Variants in MEIOC observed in about 807,000 individuals in gnomAD.
MEIOC encodes meiosis specific with coiled-coil domain, also known as meiosis-specific coiled-coil domain-containing protein MEIOC.
In MEIOC, 9 loss-of-function variants were observed where a neutral mutation model predicts 85.3. The observed-to-expected ratio is 0.11, with a 90% CI of 0.06 to 0.18. The LOEUF (loss-of-function observed/expected upper bound fraction) is 0.18, where lower values mean the gene tolerates loss of function less well. MEIOC is among the 10% of genes least tolerant of loss of function. The pLI is 1.00. For missense variants in MEIOC, 898 were observed against 1,129.4 expected, an observed-to-expected ratio of 0.80 and a Z score of 2.94; for synonymous variants, 365 against 393.7, an observed-to-expected ratio of 0.93 and a Z score of 0.86.
chr17:44,661,706 C>G (rs975303880), intron 2 of MEIOC, among the ~76,000 whole-genome samples: 1 of 151,994 alleles, frequency 6.6e-6, no homozygotes, highest in East Asian at 1.9e-4. Flanking sequence ...CGCCCATCAC[C>G]ACCACAGCTG....
downstream of MEIOC, chr17:44,676,942 T>C: frequency 3.0e-5 from 30 of 984,970 alleles, no homozygotes; most frequent in Non-Finnish European, 3.1e-5. Context: ...CTCTATTTTC[T>C]GTTTAAGCAT....
At position 44,667,817 on chromosome 17, in the gene MEIOC, G is replaced by C. The variant is rs973474536; in HGVS notation, c.1906G>C (p.Asp636His). ...TGGCTTATCACAAAATACATACCAA[G>C]ATCTACTGGAGTCACAGGGTCATTC... is the stretch of plus-strand genomic sequence containing the variant. The part of the protein sequence containing the change: ...LDGLSQNTYQ[D>H]LLESQGHSNS... The change falls in exon 5 of 8, where the codon GAT (aspartate) becomes CAT (histidine). Residue 636 changes from aspartate to histidine, a missense_variant. By Grantham distance (81) the Asp-to-His change is moderately conservative (BLOSUM62 -1). Around this residue, in one of 2 missense-constraint regions of MEIOC, gnomAD observed 734 missense variants for 860.1 expected, o/e 0.85. Coordinates refer to ENST00000409122, the MANE Select transcript of MEIOC (RefSeq NM_001145080.3). The C allele has an allele frequency of 6.2e-7, 1 of 1,613,898 alleles. No homozygotes were observed. Among genetic ancestry groups the C allele is most frequent in the South Asian group, 1.1e-5 (1 of 91,046 alleles).
At chr17:44,673,236 A>G (rs1294996550) in intron 6 of MEIOC, 130 bp from the exon 7 acceptor site, 2 of 623,348 alleles carry the variant, frequency 3.2e-6, no homozygotes, top group Non-Finnish European at 5.1e-6. Context: ...GTGTCAGGAC[A>G]CAGTAAGCAT....
rs1971938493 is a variant in MEIOC at position 44,668,127 on chromosome 17, G to A, written c.2216G>A (p.Gly739Glu). The A allele has an allele frequency of 2.5e-6, 4 of 1,613,778 alleles. No individual in the cohort carries two copies. The highest frequency in any genetic ancestry group is 1.3e-5 in the African/African-American group (1 of 74,982). The change falls in exon 5 of 8, where the codon GGA (glycine) becomes GAA (glutamate). Residue 739 changes from glycine (G) to glutamate (E), a missense_variant. By Grantham distance (98) the Gly-to-Glu change is moderately conservative. Transcript: ENST00000409122. The part of the protein sequence containing the change: ...NSFSGLMPTF[G>E]FQRPIKTRSG... Reference sequence around the variant, plus strand: ...TTTTCTGGTCTCATGCCAACTTTTGGATTTCAAAGACCAATTAAAACCCGT... The same window carrying A: ...TTTTCTGGTCTCATGCCAACTTTTGAATTTCAAAGACCAATTAAAACCCGT...
chr17:44,671,147 A>G (rs932651391), intron 6 of MEIOC: 4 of 152,008 alleles, frequency 2.6e-5, no homozygotes, highest in African/African-American at 9.7e-5. Flanking sequence ...GTACAATGGA[A>G]TTTATCCATG....
chr17:44,666,272 C>T, intron 4 of MEIOC, 104 bp from the exon 5 acceptor site: 1 of 929,646 alleles, frequency 1.1e-6, no homozygotes, highest in Non-Finnish European at 1.6e-6. Context: ...AGAATGGTGA[C>T]ATGGGGCAAG....
chr17:44,660,621 T>TTTTAATA (rs1971830313), intron 2 of MEIOC, among the ~76,000 whole-genome samples: 1 of 152,158 alleles, frequency 6.6e-6, no homozygotes, highest in African/African-American at 2.4e-5. Flanking sequence ...GCATCTCAGG[T>TTTTAATA]TTTAATAGTT....
At chr17:44,669,552 T>A (rs1020083079) in intron 6 of MEIOC, 35 bp downstream of exon 6, 3 of 1,549,666 alleles carry the variant, frequency 1.9e-6, no homozygotes, top group Non-Finnish European at 2.6e-6. Flanking sequence ...TGGATGGATT[T>A]TTTGTTAAAT....
In MEIOC at chr17:44,674,296, C is replaced by G; in HGVS notation, c.*100C>G. ...GTCAAACTTTCAGTATGTTTTCTTT[C>G]AGATTTAAAGTTAATACCAGTACCT... On this transcript the variant is annotated 3_prime_UTR_variant, in exon 8 of 8. Transcript: ENST00000409122. The G allele has an allele frequency of 6.9e-7, 1 of 1,447,616 alleles. No individual in the cohort carries two copies. The highest frequency in any genetic ancestry group is 2.5e-5 in the East Asian group (1 of 40,240). The allele number at this position is 1,447,616 out of a possible 1,614,324, so 89.7% of individuals were successfully genotyped here. A position where few individuals can be genotyped will look rare whatever the true frequency, so the allele number is the denominator to read the frequency against.
chr17:44,668,262 A>C (rs1380561109), intron 5 of MEIOC, 29 bp downstream of exon 5: 1 of 1,548,456 alleles, frequency 6.5e-7, no homozygotes, highest in African/African-American at 1.4e-5. Context: ...CTTAGGAATA[A>C]CAGTATGTTC....
chr17:44,675,362 G>C lies in MEIOC; in HGVS notation c.*1166G>C. 1 of 967,710 alleles carries C rather than the reference G, an allele frequency of 1.0e-6. No homozygotes were observed. The highest frequency in any genetic ancestry group is 1.2e-6 in the Non-Finnish European group (1 of 813,972). 59.9% of individuals were successfully genotyped at this position (967,710 alleles called of 1,614,324 possible). A position where few individuals can be genotyped will look rare whatever the true frequency, so the allele number is the denominator to read the frequency against. ...ATTTATTCGTTAATATGAAATGTTG[G>C]TATTATGTGACTCAGAAGATCTTGG... On this transcript the variant is annotated 3_prime_UTR_variant, in exon 8 of 8. Transcript: ENST00000409122.
chr17:44,658,471 A>G (rs1467999540), intron 2 of MEIOC, among the ~76,000 whole-genome samples: 2 of 150,108 alleles, frequency 1.3e-5, no homozygotes, highest in African/African-American at 4.9e-5. Context: ...TTTTAAATAC[A>G]GTGTTTGCAG....
At chr17:44,672,215 C>T (rs1972023108) in intron 6 of MEIOC, among the ~76,000 whole-genome samples, 2 of 152,268 alleles carry the variant, frequency 1.3e-5, no homozygotes, top group African/African-American at 4.8e-5. Context: ...CTCCTGATCT[C>T]AAATGATCCG....
At chr17:44,676,646 C>A (rs1972079188), downstream of MEIOC, among the ~76,000 whole-genome samples, 2 of 152,156 alleles carry the variant, frequency 1.3e-5, no homozygotes, top group South Asian at 4.2e-4. Flanking sequence ...CACGGTGAAA[C>A]CCCATCTCTA....
intron 2 of MEIOC, among the ~76,000 whole-genome samples, chr17:44,659,410 G>C (rs1971815834): frequency 6.6e-6 from 1 of 152,184 alleles, no homozygotes; most frequent in African/African-American, 2.4e-5. Flanking sequence ...AAGGATATAA[G>C]TGATACATTT....
rs895729355 is a variant in MEIOC at position 44,667,595 on chromosome 17, A to G, written c.1684A>G (p.Ile562Val). Residue 562 changes from isoleucine to valine, a missense_variant, in exon 5 of 8, where the codon ATA becomes GTA. Around this residue, in one of 2 missense-constraint regions of MEIOC, gnomAD observed 734 missense variants for 860.1 expected, o/e 0.85. Coordinates refer to ENST00000409122, the MANE Select transcript of MEIOC (RefSeq NM_001145080.3). ...GAERIQSVNH[I>V]EGLTKPGEEN... ...AGAAAGAATCCAATCTGTCAATCAC[A>G]TAGAAGGACTAACAAAGCCTGGAGA... 1 of 1,613,804 alleles carries G rather than the reference A, an allele frequency of 6.2e-7. No homozygotes were observed. Among genetic ancestry groups the G allele is most frequent in the Non-Finnish European group, 8.5e-7 (1 of 1,179,792 alleles).
Position 44,674,981 on chromosome 17 carries a change from T to G in MEIOC, c.*785T>G. ...CAAAACATTCCCTTTATCTGGATCT[T>G]TTAGACTTGATGCACAGTAACTGAA... On this transcript the variant is annotated 3_prime_UTR_variant, in exon 8 of 8. Coordinates refer to ENST00000409122, the MANE Select transcript of MEIOC (RefSeq NM_001145080.3). 1 of 983,270 alleles carries G rather than the reference T, an allele frequency of 1.0e-6. No homozygotes were observed. The highest frequency in any genetic ancestry group is 1.2e-6 in the Non-Finnish European group (1 of 827,936). The allele number at this position is 983,270 out of a possible 1,614,324, so 60.9% of individuals were successfully genotyped here. A position where few individuals can be genotyped will look rare whatever the true frequency, so the allele number is the denominator to read the frequency against.
chr17:44,665,600 A>G (rs751247915), intron 4 of MEIOC, 112 bp downstream of exon 4: 101 of 425,756 alleles, frequency 2.4e-4, no homozygotes, highest in Admixed American at 4.0e-4. Context: ...GACAGTAGGT[A>G]TCTTAATTCA....
At chr17:44,664,232 C>T (rs1293699300) in intron 3 of MEIOC, among the ~76,000 whole-genome samples, 3 of 151,948 alleles carry the variant, frequency 2.0e-5, no homozygotes, top group Non-Finnish European at 4.4e-5. Flanking sequence ...CGTGGTGGCA[C>T]GCGCCTGTAG....
Sources: allele counts gnomAD v4.1 joint callset (sites outside exome capture counted in the v4.1 genomes callset), GRCh38; gene constraint gnomAD v4.1.1; regional missense constraint gnomAD v4.1.1; transcripts MANE v1.5; gene names NCBI Gene and HGNC (gene_info 2026-07-23, HGNC 2026-07-21).